DLGAP2: variants seen among roughly 807,000 people sequenced by gnomAD.
The protein encoded by DLGAP2 is disks large-associated protein 2.
A neutral mutation model predicts 100.3 loss-of-function variants in DLGAP2; 26 were observed. The ratio of observed to expected loss-of-function variants is 0.26; its 90% confidence interval spans 0.19 to 0.36. The LOEUF is 0.36. Ranked by LOEUF, DLGAP2 falls within the 10% of genes least tolerant of loss-of-function variation. DLGAP2 has a pLI of 1.00. For synonymous variants in DLGAP2, 886 were observed against 630.1 expected (o/e 1.41, Z -6.08); for missense variants, 1,858 against 1,453.2 (o/e 1.28, Z -4.53).
intron 2 of DLGAP2, among the ~76,000 whole-genome samples, chr8:1,159,370 T>A (rs1340738873): frequency 6.6e-6 from 1 of 152,248 alleles, no homozygotes; most frequent in South Asian, 2.1e-4. Context: ...GGAAATCGTT[T>A]ACTTTCAGGA....
In DLGAP2 at chr8:1,446,791, T is replaced by A. The variant is rs1797996295; in HGVS notation, c.107-54575T>A. ...ATTGAGCAGTGGTTTTTAGTTCTCA[T>A]TAAAGAGGTCATTCACATCCCTTGT... is the stretch of plus-strand genomic sequence containing the variant. On this transcript the variant is annotated intron_variant, in intron 3 of 14. Transcript: ENST00000637795. 2.0e-5 allele frequency among the ~76,000 whole-genome samples: 3 copies of A among 152,370 alleles called. No homozygotes were observed. In the South Asian group the frequency reaches 6.2e-4, roughly 32 times the overall value.
At chr8:1,168,747 A>T (rs1797068676) in intron 2 of DLGAP2, among the ~76,000 whole-genome samples, 1 of 140,218 alleles carries the variant, frequency 7.1e-6, no homozygotes, top group South Asian at 2.2e-4. Context: ...TTTCTCGTAA[A>T]TTTGTTTGAG....
intron 3 of DLGAP2, among the ~76,000 whole-genome samples, chr8:1,293,735 ATAAT>A (rs1800110084): frequency 6.6e-6 from 1 of 152,176 alleles, no homozygotes; most frequent in Non-Finnish European, 1.5e-5. Context: ...CAAACAAACG[ATAAT>A]TAACATTTCG....
At chr8:1,040,630 T>A (rs34435811) in intron 2 of DLGAP2, among the ~76,000 whole-genome samples, 41,489 of 138,036 alleles carry the variant, frequency 0.3, 6,311 homozygotes, top group Middle Eastern at 0.39. Flanking sequence ...TCGGCTCGAT[T>A]TCCGTGGTTG....
intron 4 of DLGAP2, among the ~76,000 whole-genome samples, chr8:1,502,330 C>T (rs756937615): frequency 2.6e-5 from 4 of 152,190 alleles, no homozygotes; most frequent in Non-Finnish European, 5.9e-5. Context: ...AGACTTTTAG[C>T]CAGTGCATCT....
intron 1 of DLGAP2, among the ~76,000 whole-genome samples, chr8:805,730 A>C (rs1447407035): frequency 6.6e-6 from 1 of 152,130 alleles, no homozygotes; most frequent in Middle Eastern, 3.2e-3. Context: ...CCTCCTGAGT[A>C]GCTGGGACTA....
intron 3 of DLGAP2, among the ~76,000 whole-genome samples, chr8:1,438,137 C>T (rs1257393184): frequency 6.6e-6 from 1 of 152,142 alleles, no homozygotes; most frequent in Non-Finnish European, 1.5e-5. Flanking sequence ...CAGGAAGTGC[C>T]GGAGGAAGTG....
chr8:1,571,180 G>A (rs1166246568), intron 6 of DLGAP2, among the ~76,000 whole-genome samples: 2 of 131,504 alleles, frequency 1.5e-5, no homozygotes, highest in African/African-American at 3.1e-5. Flanking sequence ...AGGGTGAACT[G>A]TGGGGGCATC....
At chr8:815,486 A>G (rs1715279592) in intron 1 of DLGAP2, among the ~76,000 whole-genome samples, 1 of 152,234 alleles carries the variant, frequency 6.6e-6, no homozygotes, top group South Asian at 2.1e-4. Context: ...AATTGAGGGA[A>G]AATCCTTTCA....
chr8:1,023,583 AGC>A lies in DLGAP2; in HGVS notation c.73+115620_73+115621del, dbSNP rs1353052686. 3.6e-3 allele frequency among the ~76,000 whole-genome samples: 541 copies of A among 152,174 alleles called. 12 individuals carry two copies. The East Asian group carries it at 0.087, about 25-fold the overall frequency. ...GTGAACCTCAGTGTGCGTGTGTTTC[AGC>A]GCAACAGTGTCGGCAGGCCCCGTTT... On this transcript the variant is annotated intron_variant, in intron 2 of 14. Coordinates refer to ENST00000637795, the MANE Select transcript of DLGAP2 (RefSeq NM_001346810.2).
In DLGAP2 at chr8:1,678,249, C is replaced by A. The variant is rs1798856614; in HGVS notation, c.2324C>A (p.Ala775Asp). The A allele has an allele frequency of 6.2e-7, 1 of 1,613,694 alleles. No homozygotes were observed. Among genetic ancestry groups the A allele is most frequent in the Non-Finnish European group, 8.5e-7 (1 of 1,179,734 alleles). ...TTTAAACGTTCTAACAGCGTCACGG[C>A]CGCCGTCCAAGCTGACCTGGAGCTG... ...GRFKRSNSVT[A>D]AVQADLELEG... Residue 775 changes from alanine to aspartate, a missense_variant, in exon 12 of 15, where the codon GCC becomes GAC. Coordinates refer to ENST00000637795, the MANE Select transcript of DLGAP2 (RefSeq NM_001346810.2).
At chr8:1,694,098 T>A (rs142197339) in intron 13 of DLGAP2, among the ~76,000 whole-genome samples, 2 of 152,334 alleles carry the variant, frequency 1.3e-5, no homozygotes, top group African/African-American at 4.8e-5. Flanking sequence ...TGGCTTAAAA[T>A]TGTTCATCCT....
intron 3 of DLGAP2, among the ~76,000 whole-genome samples, chr8:1,270,064 C>T (rs1799548609): frequency 6.6e-6 from 1 of 152,100 alleles, no homozygotes; most frequent in Non-Finnish European, 1.5e-5. Context: ...TGGTCTTTTC[C>T]CATTTCCCTT....
chr8:1,509,395 G>A (rs931063277), intron 4 of DLGAP2, among the ~76,000 whole-genome samples: 1 of 151,828 alleles, frequency 6.6e-6, no homozygotes, highest in African/African-American at 2.4e-5. Flanking sequence ...AAGAGCACAT[G>A]TCTAATGAAA....
chr8:906,526 G>T (rs1286434062), intron 1 of DLGAP2, among the ~76,000 whole-genome samples: 1 of 152,204 alleles, frequency 6.6e-6, no homozygotes, highest in Non-Finnish European at 1.5e-5. Flanking sequence ...GTCAAACCCC[G>T]GGAGTTGAGT....
intron 2 of DLGAP2, among the ~76,000 whole-genome samples, chr8:1,009,688 GA>G (rs1376214893): frequency 7.2e-5 from 11 of 152,214 alleles, no homozygotes; most frequent in Admixed American, 3.3e-4. Flanking sequence ...CTTGCATGAT[GA>G]AGAACCAGAA....
intron 1 of DLGAP2, among the ~76,000 whole-genome samples, chr8:832,743 T>C (rs551767140): frequency 2.0e-5 from 3 of 152,356 alleles, no homozygotes; most frequent in South Asian, 4.1e-4. Context: ...TGTGTAAGAA[T>C]GTCAGCTGCA....
chr8:1,234,054 C>A (rs1798592720), intron 2 of DLGAP2, among the ~76,000 whole-genome samples: 2 of 152,128 alleles, frequency 1.3e-5, no homozygotes, highest in Non-Finnish European at 2.9e-5. Context: ...CAGGTGAATA[C>A]CTAACATTTT....
intron 4 of DLGAP2, among the ~76,000 whole-genome samples, chr8:1,546,230 G>T (rs1346726203): frequency 6.6e-6 from 1 of 152,248 alleles, no homozygotes; most frequent in Non-Finnish European, 1.5e-5. Flanking sequence ...ACACAGTGAG[G>T]CTCACCTTGA....
Sources: allele counts gnomAD v4.1 joint callset (sites outside exome capture counted in the v4.1 genomes callset), GRCh38; gene constraint gnomAD v4.1.1; transcripts MANE v1.5; gene names NCBI Gene and HGNC (gene_info 2026-07-23, HGNC 2026-07-21).